CHST11: variants seen among roughly 807,000 people sequenced by gnomAD.
The protein encoded by CHST11 is C4S-1.
CHST11 carries 9 observed loss-of-function variants against 30.4 expected under a neutral mutation model. That is an observed-to-expected ratio of 0.30 (90% CI 0.18 to 0.52). The LOEUF is 0.52. Ranked by LOEUF, CHST11 falls within the 20% of genes least tolerant of loss-of-function variation. The pLI is 0.97. For synonymous variants in CHST11, 152 were observed against 187.8 expected (o/e 0.81, Z 1.56); for missense variants, 348 against 460.6 (o/e 0.76, Z 2.24).
At chr12:104,462,758 A>G (rs2037422103) in intron 1 of CHST11, among the ~76,000 whole-genome samples, 1 of 152,202 alleles carries the variant, frequency 6.6e-6, no homozygotes, top group Non-Finnish European at 1.5e-5. Context: ...ATATACAACT[A>G]CTATGTACCT....
chr12:104,744,987 C>CCTCA lies in CHST11; in HGVS notation c.205-11961_205-11958dup, dbSNP rs201147297. Reference sequence around the variant, plus strand: ...CTCCCAGGTTCAAGCAATTCTCCTGCCTCAGCCTCCCAAGTAGCTAGGATT... The same window carrying CCTCA: ...CTCCCAGGTTCAAGCAATTCTCCTGCCTCACTCAGCCTCCCAAGTAGCTAGGATT... On this transcript the variant is annotated intron_variant, in intron 2 of 2. Transcript: ENST00000303694. 0.01 allele frequency among the ~76,000 whole-genome samples: 1,543 copies of CCTCA among 152,186 alleles called. 46 individuals carry two copies. The East Asian group carries it at 0.12, about 12-fold the overall frequency.
intron 2 of CHST11, among the ~76,000 whole-genome samples, chr12:104,630,468 G>A (rs934212746): frequency 1.3e-5 from 2 of 152,232 alleles, no homozygotes; most frequent in Admixed American, 6.5e-5. Flanking sequence ...ATCTCCAGCC[G>A]AGCCAGTGGG....
rs1471848605 is a variant in CHST11, at chr12:104,520,008, G to A, written c.118+62479G>A. Among the ~76,000 whole-genome samples, 3 of 152,214 alleles carry A rather than the reference G, an allele frequency of 2.0e-5. No homozygotes were observed. The East Asian group carries it at 5.8e-4, about 29-fold the overall frequency. Reference sequence around the variant, plus strand: ...TAATTTAGGAGGCACAGCTGTGCAAGGGACTGGGACTCCATCAGGGAACGG... The same window carrying A: ...TAATTTAGGAGGCACAGCTGTGCAAAGGACTGGGACTCCATCAGGGAACGG... On this transcript the variant is annotated intron_variant, in intron 1 of 2. Coordinates refer to ENST00000303694, the MANE Select transcript of CHST11 (RefSeq NM_018413.6).
chr12:104,670,038 G>A (rs564221359), intron 2 of CHST11, among the ~76,000 whole-genome samples: 3 of 152,192 alleles, frequency 2.0e-5, no homozygotes, highest in East Asian at 1.9e-4. Flanking sequence ...TTCCCCTCTC[G>A]CTTTCCTAAA....
intron 2 of CHST11, among the ~76,000 whole-genome samples, chr12:104,668,194 T>A (rs2039659107): frequency 6.6e-6 from 1 of 152,134 alleles, no homozygotes; most frequent in South Asian, 2.1e-4. Flanking sequence ...GCACCCCTCA[T>A]AGGGTCATAT....
At chr12:104,550,890 C>T (rs2038397677) in intron 1 of CHST11, among the ~76,000 whole-genome samples, 1 of 152,194 alleles carries the variant, frequency 6.6e-6, no homozygotes, top group Non-Finnish European at 1.5e-5. Flanking sequence ...ATGTCCACGT[C>T]TTTTGTGTTA....
At chr12:104,601,801 C>T in intron 1 of CHST11, 105 bp from the exon 2 acceptor site, 1 of 869,386 alleles carries the variant, frequency 1.2e-6, no homozygotes, top group East Asian at 2.6e-5. Flanking sequence ...CTGGTTTTCT[C>T]TTTCTTTCCT....
intron 2 of CHST11, among the ~76,000 whole-genome samples, chr12:104,750,452 T>TTTTTTTTTTTTG (rs1566064718): frequency 1.8e-4 from 20 of 113,536 alleles, no homozygotes; most frequent in African/African-American, 6.8e-4. Flanking sequence ...TTTTTTTTTT[T>TTTTTTTTTTTTG]TTTTGTTGAG....
intron 1 of CHST11, among the ~76,000 whole-genome samples, chr12:104,581,372 C>T (rs950902576): frequency 6.6e-6 from 1 of 152,166 alleles, no homozygotes; most frequent in African/African-American, 2.4e-5. Flanking sequence ...GTTTATGATT[C>T]AAGCACAGCT....
At position 104,560,508 on chromosome 12, in the gene CHST11, C is replaced by T. The variant is rs145973395; in HGVS notation, c.119-41398C>T. The stretch of plus-strand genomic sequence containing the variant: ...AAAAACATGGATCAGCACCGGGAAG[C>T]ATCTTGAGATAGGGGTGGGAAGAGA... On this transcript the variant is annotated intron_variant, in intron 1 of 2. Coordinates refer to ENST00000303694, the MANE Select transcript of CHST11 (RefSeq NM_018413.6). Among the ~76,000 whole-genome samples the T allele has an allele frequency of 3.6e-3, 545 of 152,210 alleles. 4 individuals carry two copies. Among genetic ancestry groups the T allele is most frequent in the African/African-American group, 0.013 (526 of 41,532 alleles).
At chr12:104,560,137 G>A (rs2038499232) in intron 1 of CHST11, among the ~76,000 whole-genome samples, 1 of 152,184 alleles carries the variant, frequency 6.6e-6, no homozygotes, top group South Asian at 2.1e-4. Context: ...GCTGGATTGG[G>A]TGGGAGAGGC....
intron 1 of CHST11, among the ~76,000 whole-genome samples, chr12:104,485,562 T>C (rs2037669263): frequency 8.6e-6 from 1 of 115,794 alleles, no homozygotes; most frequent in Admixed American, 9.6e-5. Context: ...CAGCTCCAAC[T>C]TCAGGGTTGT....
intron 2 of CHST11, among the ~76,000 whole-genome samples, chr12:104,648,151 TG>T (rs2039453174): frequency 6.6e-6 from 1 of 152,228 alleles, no homozygotes; most frequent in African/African-American, 2.4e-5. Flanking sequence ...GGCTGACTAC[TG>T]TGTATCCTCT....
intron 2 of CHST11, among the ~76,000 whole-genome samples, chr12:104,753,654 T>C (rs1592876461): frequency 6.6e-6 from 1 of 152,204 alleles, no homozygotes; most frequent in Non-Finnish European, 1.5e-5. Context: ...TGGAAGATTC[T>C]CTGTGGGACC....
At chr12:104,470,870 T>C (rs1243609101) in intron 1 of CHST11, among the ~76,000 whole-genome samples, 2 of 152,312 alleles carry the variant, frequency 1.3e-5, no homozygotes, top group South Asian at 2.1e-4. Flanking sequence ...ATGTTCTTGG[T>C]TTCAGATAAT....
At chr12:104,517,343 G>A (rs2038033742) in intron 1 of CHST11, among the ~76,000 whole-genome samples, 1 of 152,196 alleles carries the variant, frequency 6.6e-6, no homozygotes, top group Non-Finnish European at 1.5e-5. Flanking sequence ...ACACAGGGGA[G>A]CAGCAAGCTG....
intron 1 of CHST11, among the ~76,000 whole-genome samples, chr12:104,530,110 G>T (rs1362770778): frequency 6.6e-6 from 1 of 152,162 alleles, no homozygotes; most frequent in Non-Finnish European, 1.5e-5. Flanking sequence ...TGTGAGCCGA[G>T]ATTGCGCCAT....
chr12:104,529,639 C>T (rs1258227676), intron 1 of CHST11, among the ~76,000 whole-genome samples: 1 of 152,216 alleles, frequency 6.6e-6, no homozygotes, highest in Non-Finnish European at 1.5e-5. Flanking sequence ...GTATGCCTTT[C>T]ATCTCCTGGT....
chr12:104,722,145 C>T lies in CHST11; in HGVS notation c.205-34804C>T, dbSNP rs181067824. On this transcript the variant is annotated intron_variant, in intron 2 of 2. Transcript: ENST00000303694. ...CTGGGACTACTGGCGCATACTACCA[C>T]ACTCAGCTAAGTGTGTGTGTGTGTG... Among the ~76,000 whole-genome samples, 382 of 104,972 alleles carry T rather than the reference C, an allele frequency of 3.6e-3. 2 individuals are homozygous for T. The highest frequency in any genetic ancestry group is 0.018 in the African/African-American group (339 of 19,150). The allele number at this position is 104,972 out of a possible 152,430, so 68.9% of individuals were successfully genotyped here.
Sources: allele counts gnomAD v4.1 joint callset (sites outside exome capture counted in the v4.1 genomes callset), GRCh38; gene constraint gnomAD v4.1.1; transcripts MANE v1.5; gene names NCBI Gene and HGNC (gene_info 2026-07-23, HGNC 2026-07-21).